The following SDK1 variants were observed in gnomAD, a reference collection of about 807,000 sequenced individuals.
The protein encoded by SDK1 is protein sidekick-1.
SDK1 carries 157 observed loss-of-function variants against 245.5 expected under a neutral mutation model. The observed-to-expected ratio is 0.64, with a 90% confidence interval of 0.56 to 0.73. The LOEUF (loss-of-function observed/expected upper bound fraction) is 0.73. Among genes scored for constraint, SDK1 ranks in the 30% least tolerant of loss-of-function variants. The probability of loss-of-function intolerance (pLI) is 0.00; values close to 1 mark genes in which losing one functional copy is unlikely to be tolerated. For synonymous variants in SDK1, 1,647 were observed against 1,278.5 expected, an observed-to-expected ratio of 1.29 and a Z score of -6.15; for missense variants, 3,583 against 3,002.3, an observed-to-expected ratio of 1.19 and a Z score of -4.52.
chr7:3,317,233 A>G (rs1779686552), intron 1 of SDK1, among the ~76,000 whole-genome samples: 1 of 151,604 alleles, frequency 6.6e-6, no homozygotes, highest in Non-Finnish European at 1.5e-5. Context: ...TGCTTAATAA[A>G]CATTGCTAGC....
chr7:3,907,716 C>G (rs1016718984), intron 5 of SDK1, among the ~76,000 whole-genome samples: 1 of 152,172 alleles, frequency 6.6e-6, no homozygotes, highest in East Asian at 1.9e-4. Flanking sequence ...AAAGGTGTAG[C>G]ACCGCAACAG....
intron 4 of SDK1, among the ~76,000 whole-genome samples, chr7:3,710,445 A>G (rs980283871): frequency 2.0e-5 from 3 of 152,236 alleles, no homozygotes; most frequent in Admixed American, 6.5e-5. Flanking sequence ...AAGTTCTCAT[A>G]TTGGAATTAT....
At chr7:3,817,480 A>G (rs747306776) in intron 4 of SDK1, among the ~76,000 whole-genome samples, 26 of 152,066 alleles carry the variant, frequency 1.7e-4, no homozygotes, top group Non-Finnish European at 3.2e-4. Flanking sequence ...GTGAATGTAT[A>G]CTCTTACTCT....
chr7:3,733,489 A>C (rs1057272653), intron 4 of SDK1, among the ~76,000 whole-genome samples: 1 of 152,150 alleles, frequency 6.6e-6, no homozygotes, highest in Non-Finnish European at 1.5e-5. Flanking sequence ...TGGAAGTTAC[A>C]AGTTGCCCTG....
chr7:3,555,056 A>G (rs894638964), intron 1 of SDK1, among the ~76,000 whole-genome samples: 7 of 152,188 alleles, frequency 4.6e-5, no homozygotes, highest in Non-Finnish European at 1.0e-4. Flanking sequence ...ATACCCATGA[A>G]TTCTTCACAG....
intron 1 of SDK1, among the ~76,000 whole-genome samples, chr7:3,618,492 A>G (rs897395042): frequency 1.3e-5 from 2 of 152,130 alleles, no homozygotes; most frequent in African/African-American, 4.8e-5. Context: ...ATGTGTAGCA[A>G]TTGTTGCTGC....
intron 44 of SDK1, among the ~76,000 whole-genome samples, chr7:4,261,239 C>G (rs542699558): frequency 6.6e-6 from 1 of 152,086 alleles, no homozygotes; most frequent in Non-Finnish European, 1.5e-5. Flanking sequence ...GCTTCCTGCC[C>G]GGGTGCTGAT....
chr7:3,841,602 T>C (rs553417961), intron 5 of SDK1, among the ~76,000 whole-genome samples: 101 of 152,066 alleles, frequency 6.6e-4, no homozygotes, highest in African/African-American at 2.3e-3. Flanking sequence ...AGTTTTGCTC[T>C]GTCACCCAGG....
intron 4 of SDK1, among the ~76,000 whole-genome samples, chr7:3,675,545 C>T (rs146440978): frequency 1.9e-4 from 26 of 135,340 alleles, no homozygotes; most frequent in Non-Finnish European, 3.1e-5. Context: ...ACCTTTCTTC[C>T]TCCCCCTACT....
intron 22 of SDK1, among the ~76,000 whole-genome samples, chr7:4,090,325 G>A (rs1246171580): frequency 6.6e-6 from 1 of 152,056 alleles, no homozygotes; most frequent in Non-Finnish European, 1.5e-5. Flanking sequence ...AATTAATTAG[G>A]GCAATGAGGG....
intron 35 of SDK1, among the ~76,000 whole-genome samples, chr7:4,204,417 G>A (rs769945972): frequency 6.6e-6 from 1 of 152,070 alleles, no homozygotes; most frequent in Non-Finnish European, 1.5e-5. Flanking sequence ...CGGCAGGGTG[G>A]GCAGTGATAA....
chr7:3,496,072 G>C (rs141097185), intron 1 of SDK1, among the ~76,000 whole-genome samples: 1 of 152,070 alleles, frequency 6.6e-6, no homozygotes, highest in Non-Finnish European at 1.5e-5. Flanking sequence ...AGCTGATAAC[G>C]GTCTTTAAGA....
chr7:4,072,379 T>C (rs1780307356), intron 20 of SDK1, among the ~76,000 whole-genome samples: 1 of 152,178 alleles, frequency 6.6e-6, no homozygotes, highest in Non-Finnish European at 1.5e-5. Flanking sequence ...GCACCTTGTG[T>C]CACAGAAGCT....
At chr7:3,432,943 T>C (rs1055174965) in intron 1 of SDK1, among the ~76,000 whole-genome samples, 1 of 152,236 alleles carries the variant, frequency 6.6e-6, no homozygotes, top group African/African-American at 2.4e-5. Context: ...TACTAACTTG[T>C]AAATATTCAC....
chr7:3,987,810 G>C (rs1783986649), intron 14 of SDK1, among the ~76,000 whole-genome samples: 1 of 152,092 alleles, frequency 6.6e-6, no homozygotes, highest in African/African-American at 2.4e-5. Flanking sequence ...CATGAAACAT[G>C]CTCCTTCCGT....
At chr7:4,110,994 C>T (rs183130769) in intron 23 of SDK1, among the ~76,000 whole-genome samples, 1 of 152,270 alleles carries the variant, frequency 6.6e-6, no homozygotes, top group Admixed American at 6.5e-5. Flanking sequence ...CTCCTTCTAT[C>T]AGTACCAGCT....
chr7:3,502,875 A>G (rs1051113591), intron 1 of SDK1, among the ~76,000 whole-genome samples: 1 of 152,198 alleles, frequency 6.6e-6, no homozygotes, highest in Admixed American at 6.5e-5. Context: ...GTTCTGTAAC[A>G]TACTTTTCTT....
intron 1 of SDK1, among the ~76,000 whole-genome samples, chr7:3,373,954 T>A (rs6974121): frequency 0.15 from 22,104 of 152,170 alleles, 2,945 homozygotes; most frequent in African/African-American, 0.36. Flanking sequence ...AAGAGGATCT[T>A]TAAAAAGTTT....
intron 1 of SDK1, among the ~76,000 whole-genome samples, chr7:3,429,881 A>G (rs1373214669): frequency 1.3e-5 from 2 of 152,096 alleles, no homozygotes; most frequent in East Asian, 3.8e-4. Flanking sequence ...ATGAGCCACC[A>G]TGACAGATAT....
Sources: allele counts gnomAD v4.1 joint callset (sites outside exome capture counted in the v4.1 genomes callset), GRCh38; gene constraint gnomAD v4.1.1; transcripts MANE v1.5; gene names NCBI Gene and HGNC (gene_info 2026-07-23, HGNC 2026-07-21).